Variants in SLC67A1 observed in about 807,000 individuals in gnomAD.
SLC67A1 encodes the protein solute carrier family 67 member 1.
At chr11:2,925,007 C>A in the SLC67A1 span, 2 of 1,606,860 alleles carry the variant, frequency 1.2e-6, no homozygotes, top group African/African-American at 1.3e-5. This position sits in a 1 kb window ranked among gnomAD's most constrained non-coding sequence, Gnocchi z 6.5. Context: ...ATGCACCCCC[C>A]AGGGACCATG....
At chr11:2,914,628 C>T in the SLC67A1 span, 2 of 841,916 alleles carry the variant, frequency 2.4e-6, no homozygotes, top group Non-Finnish European at 2.9e-6. Context: ...CCCACAGCAG[C>T]ACAGGCCTTT....
At chr11:2,922,231 C>T in the SLC67A1 span, 4 of 1,591,930 alleles carry the variant, frequency 2.5e-6, no homozygotes, top group Non-Finnish European at 3.4e-6. Context: ...TGGGCCCACT[C>T]ACCTGACCCT....
chr11:2,918,306 G>A, the SLC67A1 span, among the ~76,000 whole-genome samples: 3 of 152,254 alleles, frequency 2.0e-5, no homozygotes, highest in Non-Finnish European at 2.9e-5. Context: ...GGGCCCCCAC[G>A]GGCAGAGGGC....
At chr11:2,915,208 T>G in the SLC67A1 span, 1 of 985,334 alleles carries the variant, frequency 1.0e-6, no homozygotes, top group Non-Finnish European at 1.2e-6. Context: ...CTGACTGTCC[T>G]AGTCAGTGTG....
the SLC67A1 span, chr11:2,922,018 C>T: frequency 1.9e-6 from 2 of 1,049,846 alleles, no homozygotes; most frequent in Non-Finnish European, 3.0e-6. Context: ...TCTGGAGGTC[C>T]CCAGCTTTGG....
At chr11:2,925,069 G>A in the SLC67A1 span, 104 of 1,613,646 alleles carry the variant, frequency 6.4e-5, no homozygotes, top group Non-Finnish European at 8.0e-5. The surrounding 1 kb of genome is among the most constrained non-coding windows in gnomAD (Gnocchi z 6.5). Flanking sequence ...GGGACCCACG[G>A]TCGGCGGCCT....
chr11:2,899,770 C>A, the SLC67A1 span: 35 of 1,417,880 alleles, frequency 2.5e-5, no homozygotes, highest in East Asian at 8.5e-4. Context: ...AGTTCCCTGG[C>A]TACCTGAGGC....
At chr11:2,903,272 C>G in the SLC67A1 span, 1 of 1,572,600 alleles carries the variant, frequency 6.4e-7, no homozygotes, top group Non-Finnish European at 8.6e-7. Context: ...CCCGGATCAA[C>G]TGGACTTTTG....
the SLC67A1 span, among the ~76,000 whole-genome samples, chr11:2,911,143 C>A: frequency 6.6e-6 from 1 of 152,136 alleles, no homozygotes; most frequent in Non-Finnish European, 1.5e-5. Context: ...ACCAGCACCA[C>A]CCCCTCAAGT....
chr11:2,913,170 A>G, the SLC67A1 span, among the ~76,000 whole-genome samples: 2 of 152,116 alleles, frequency 1.3e-5, no homozygotes, highest in Admixed American at 6.5e-5. Flanking sequence ...GAGCAGCAGG[A>G]TATGGGCGAC....
chr11:2,922,300 C>G, the SLC67A1 span: 66 of 1,494,486 alleles, frequency 4.4e-5, no homozygotes, highest in Middle Eastern at 1.7e-4. Flanking sequence ...GGGGACTCCT[C>G]CAGCCCCCCA....
the SLC67A1 span, among the ~76,000 whole-genome samples, chr11:2,924,109 G>A: frequency 6.6e-6 from 1 of 152,192 alleles, no homozygotes; most frequent in Non-Finnish European, 1.5e-5. The surrounding 1 kb of genome is among the most constrained non-coding windows in gnomAD (Gnocchi z 8.6). Flanking sequence ...GGCGAGTGCT[G>A]CCCCCCTTGT....
At chr11:2,908,575 C>T in the SLC67A1 span, among the ~76,000 whole-genome samples, 1 of 152,202 alleles carries the variant, frequency 6.6e-6, no homozygotes, top group African/African-American at 2.4e-5. Context: ...TGGTGAACAC[C>T]TCGTGGCTGT....
chr11:2,903,985 C>A, the SLC67A1 span, among the ~76,000 whole-genome samples: 1 of 152,216 alleles, frequency 6.6e-6, no homozygotes, highest in Non-Finnish European at 1.5e-5. Context: ...CTTTTTCTTG[C>A]AAGAGATAGA....
chr11:2,910,839 G>A, the SLC67A1 span, among the ~76,000 whole-genome samples: 2 of 152,220 alleles, frequency 1.3e-5, no homozygotes, highest in South Asian at 2.1e-4. Flanking sequence ...GGGTGCCACT[G>A]GGATTTGGGT....
At chr11:2,921,837 G>T in the SLC67A1 span, 1 of 485,480 alleles carries the variant, frequency 2.1e-6, no homozygotes, top group African/African-American at 1.9e-5. Context: ...CCCATCCCCG[G>T]TGTCCCTGGT....
the SLC67A1 span, among the ~76,000 whole-genome samples, chr11:2,910,001 G>A: frequency 2.0e-5 from 3 of 152,198 alleles, no homozygotes; most frequent in African/African-American, 7.2e-5. Flanking sequence ...GAGGCCCTGA[G>A]AGGAGGGAGG....
the SLC67A1 span, among the ~76,000 whole-genome samples, chr11:2,913,378 G>C: frequency 6.6e-6 from 1 of 152,148 alleles, no homozygotes; most frequent in Non-Finnish European, 1.5e-5. Context: ...TGCTGGGCCC[G>C]TGAGTCACTC....
chr11:2,909,159 G>T, the SLC67A1 span: 1 of 1,453,046 alleles, frequency 6.9e-7, no homozygotes, highest in Non-Finnish European at 9.0e-7. Context: ...GACACTGACC[G>T]CCTCCGTGAG....
Sources: allele counts gnomAD v4.1 joint callset (sites outside exome capture counted in the v4.1 genomes callset), GRCh38; gene constraint gnomAD v4.1.1; non-coding constraint Gnocchi (gnomAD v3.1); transcripts MANE v1.5; gene names NCBI Gene and HGNC (gene_info 2026-07-23, HGNC 2026-07-21).